Variants in BTAF1 observed in about 807,000 individuals in gnomAD.
BTAF1 encodes B-TFIID TATA-box binding protein associated factor 1.
Under a neutral mutation model 227.1 loss-of-function variants are expected in BTAF1, and 38 were observed. The observed-to-expected ratio is 0.17, with a 90% CI of 0.13 to 0.22. The LOEUF (loss-of-function observed/expected upper bound fraction) is 0.22, where lower values mean the gene tolerates loss of function less well. Among genes scored for constraint, BTAF1 ranks in the 10% least tolerant of loss-of-function variants. BTAF1 has a pLI of 1.00. For synonymous variants in BTAF1, 742 were observed against 751.9 expected (o/e 0.99, Z 0.21); for missense variants, 1,598 against 2,204.0 (o/e 0.73, Z 5.51).
At chr10:91,985,131 C>T (rs1164988477) in intron 19 of BTAF1, among the ~76,000 whole-genome samples, 1 of 152,008 alleles carries the variant, frequency 6.6e-6, no homozygotes, top group African/African-American at 2.4e-5. Flanking sequence ...CACCACTTCC[C>T]AGTAATCTCT....
At chr10:91,943,403 G>C (rs7919043) in intron 4 of BTAF1, among the ~76,000 whole-genome samples, 145,930 of 152,292 alleles carry the variant, frequency 0.96, 70,263 homozygotes, top group East Asian at 1. Flanking sequence ...CTGTTTTGGC[G>C]ATTCAAGATA....
At chr10:91,942,600 AT>A (rs947084539) in intron 4 of BTAF1, 32 bp downstream of exon 4, 2 of 1,609,496 alleles carry the variant, frequency 1.2e-6, no homozygotes, top group Non-Finnish European at 1.7e-6. Context: ...AAAGTCTAAA[AT>A]TTGTTTTTTC....
In BTAF1 at chr10:91,999,015, A is replaced by G. The variant is rs1246133959; in HGVS notation, c.3660+1264A>G. ...GAGACAGAGGTTGCAGTGAACCAAG[A>G]TGGTGCCACTGCACTCCAGCCTGGA... On this transcript the variant is annotated intron_variant, in intron 25 of 37. Transcript: ENST00000265990. 3.3e-5 allele frequency among the ~76,000 whole-genome samples: 5 copies of G among 150,720 alleles called. No individual in the cohort carries two copies. In the East Asian group the frequency reaches 7.9e-4, roughly 24 times the overall value.
rs564004549 is a variant in BTAF1 at position 91,929,151 on chromosome 10, G to A, written c.14+5061G>A. Among the ~76,000 whole-genome samples, 120 of 152,192 alleles carry A rather than the reference G, an allele frequency of 7.9e-4. 1 individual carries two copies. The highest frequency in any genetic ancestry group is 2.9e-3 in the African/African-American group (119 of 41,508). On this transcript the variant is annotated intron_variant, in intron 1 of 37. Coordinates refer to ENST00000265990, the MANE Select transcript of BTAF1 (RefSeq NM_003972.3). ...TGGTGGGGAATCTGTAGCTGTGTTG[G>A]GAACCATGACTTAATACAATTTTTT...
intron 23 of BTAF1, among the ~76,000 whole-genome samples, chr10:91,995,828 G>C (rs1263555632): frequency 6.6e-6 from 1 of 152,204 alleles, no homozygotes; most frequent in Non-Finnish European, 1.5e-5. Context: ...GTTCCTTGTA[G>C]CAGACATTTA....
At chr10:92,025,825 A>C (rs2134185079) in intron 35 of BTAF1, among the ~76,000 whole-genome samples, 1 of 151,424 alleles carries the variant, frequency 6.6e-6, no homozygotes, top group South Asian at 2.1e-4. Flanking sequence ...AAAAAAAAAA[A>C]AAAAAAACAA....
rs1851781366 is a variant in BTAF1, at chr10:92,029,874, T to A, written c.*941T>A. The A allele has an allele frequency of 6.6e-6, 1 of 152,550 alleles. No individual in the cohort carries two copies. The highest frequency in any genetic ancestry group is 2.1e-4 in the South Asian group (1 of 4,830). The allele number at this position is 152,550 out of a possible 1,614,324, so 9.4% of individuals were successfully genotyped here. ...ATATGCATATCTATATGCATAGATGTACCTATCCTGCACCCAAAAAGGTGC... is the reference window on the plus strand; with the variant it reads ...ATATGCATATCTATATGCATAGATGAACCTATCCTGCACCCAAAAAGGTGC... On this transcript the variant is annotated 3_prime_UTR_variant, in exon 38 of 38. Coordinates refer to ENST00000265990, the MANE Select transcript of BTAF1 (RefSeq NM_003972.3).
chr10:91,942,882 A>G (rs1377060902), intron 4 of BTAF1, among the ~76,000 whole-genome samples: 1 of 152,224 alleles, frequency 6.6e-6, no homozygotes, highest in Non-Finnish European at 1.5e-5. Context: ...AGTTTAATAT[A>G]TTATAAAATC....
intron 34 of BTAF1, among the ~76,000 whole-genome samples, chr10:92,021,920 T>G (rs1851160280): frequency 6.6e-6 from 1 of 152,140 alleles, no homozygotes; most frequent in South Asian, 2.1e-4. Flanking sequence ...CCATTTAATA[T>G]GAGGAATGAT....
In BTAF1 at chr10:92,028,759, ATTTT is replaced by A; in HGVS notation, c.5407-20_5407-17del. ...ATTTGTGAAGTTAACCTCTCATTTTATTTTTTTTTTTTTTGCCAATTTTTCTTAA... is the reference window on the plus strand; with the variant it reads ...ATTTGTGAAGTTAACCTCTCATTTTATTTTTTTTTTGCCAATTTTTCTTAA... On this transcript the variant is annotated intron_variant, in intron 37 of 37. Transcript: ENST00000265990. The A allele has an allele frequency of 2.9e-6, 4 of 1,386,440 alleles. No individual in the cohort carries two copies. The South Asian group carries it at 4.1e-5, about 14-fold the overall frequency. The allele number at this position is 1,386,440 out of a possible 1,614,324, so 85.9% of individuals were successfully genotyped here.
intron 14 of BTAF1, among the ~76,000 whole-genome samples, chr10:91,969,231 A>G (rs1847127652): frequency 6.6e-6 from 1 of 151,958 alleles, no homozygotes; most frequent in South Asian, 2.1e-4. Context: ...CCTGCAGGCT[A>G]TTTTTAACTT....
intron 1 of BTAF1, among the ~76,000 whole-genome samples, chr10:91,933,681 G>A (rs1195936623): frequency 6.6e-6 from 1 of 152,186 alleles, no homozygotes; most frequent in Middle Eastern, 3.2e-3. Context: ...TGACCTTCAG[G>A]TGTGGTATTT....
intron 25 of BTAF1, among the ~76,000 whole-genome samples, chr10:92,001,030 C>G (rs1849491358): frequency 6.6e-6 from 1 of 152,186 alleles, no homozygotes. Context: ...ATCCTCCTGC[C>G]TTAACTAGAA....
chr10:91,981,378 T>C (rs888178792), intron 15 of BTAF1, among the ~76,000 whole-genome samples: 12 of 152,300 alleles, frequency 7.9e-5, no homozygotes, highest in Non-Finnish European at 1.6e-4. Context: ...TTGACAATTT[T>C]GTATTACTTT....
rs56966522 is a variant in BTAF1, at chr10:91,938,989, AG to A, written c.139-953del. On this transcript the variant is annotated intron_variant, in intron 2 of 37. Coordinates refer to ENST00000265990, the MANE Select transcript of BTAF1 (RefSeq NM_003972.3). ...TTCCATTTCTGCAAAAAAAAAAAAAAGGGGGGGGGGATTTTGATAGGAATTG... is the reference window on the plus strand; with the variant it reads ...TTCCATTTCTGCAAAAAAAAAAAAAAGGGGGGGGGATTTTGATAGGAATTG... 3.1e-3 allele frequency among the ~76,000 whole-genome samples: 170 copies of A among 54,978 alleles called. 2 individuals carry two copies. The highest frequency in any genetic ancestry group is 0.018 in the East Asian group (20 of 1,088). The allele number at this position is 54,978 out of a possible 152,430, so 36.1% of individuals were successfully genotyped here.
intron 20 of BTAF1, among the ~76,000 whole-genome samples, chr10:91,990,645 T>G (rs563779069): frequency 2.0e-5 from 3 of 151,806 alleles, no homozygotes; most frequent in East Asian, 3.9e-4. Context: ...AAATATATAA[T>G]TAGCTGGGCA....
rs1366176268 is a variant in BTAF1, at chr10:92,008,958, A to G, written c.3935+8A>G. ...AGGAGATCATTGTCATAGGTAATTT[A>G]AGATGTTATTTTAAAATAAGGTTTC... On this transcript the variant is annotated splice_region_variant and intron_variant, in intron 27 of 37. Coordinates refer to ENST00000265990, the MANE Select transcript of BTAF1 (RefSeq NM_003972.3). The G allele has an allele frequency of 5.0e-6, 8 of 1,612,272 alleles. No homozygotes were observed. Among genetic ancestry groups the G allele is most frequent in the Non-Finnish European group, 6.8e-6 (8 of 1,179,302 alleles).
In BTAF1 at chr10:92,009,068, A is replaced by G. The variant is rs766291881; in HGVS notation, c.3963A>G (p.Leu1321=). 6.2e-7 allele frequency: 1 copy of G among 1,614,154 alleles called. No homozygotes were observed. Residue 1321 remains leucine, a synonymous_variant, in exon 28 of 38, where the codon TTA becomes TTG. Coordinates refer to ENST00000265990, the MANE Select transcript of BTAF1 (RefSeq NM_003972.3). The stretch of plus-strand genomic sequence containing the variant: ...CCCAGGAATATGCAAGATCAAAATT[A>G]GCAGAATGTATGCCACTTCCTTCCT... ...HRAQEYARSK[L]AECMPLPSLV... is the part of the protein sequence containing the mutation.
At chr10:92,027,094 ATG>A in intron 36 of BTAF1, 34 bp from the exon 37 acceptor site, 1 of 1,582,128 alleles carries the variant, frequency 6.3e-7, no homozygotes, top group South Asian at 1.2e-5. Flanking sequence ...AAAGCATAAT[ATG>A]TGTTACGGTT....
Sources: gnomAD v4.1 joint callset for allele counts (sites outside exome capture counted in the v4.1 genomes callset) on GRCh38, gnomAD v4.1.1 for gene constraint, MANE v1.5 for transcripts, NCBI Gene and HGNC (gene_info 2026-07-23, HGNC 2026-07-21) for gene names.